SNX2: variants seen among roughly 807,000 people sequenced by gnomAD.
SNX2 encodes sorting nexin 2, also known as sorting nexin-2.
In SNX2, 25 loss-of-function variants were observed where a neutral mutation model predicts 69.9. The observed-to-expected ratio is 0.36, with a 90% confidence interval of 0.26 to 0.50. The LOEUF (loss-of-function observed/expected upper bound fraction) is 0.50. Ranked by LOEUF, SNX2 falls within the 20% of genes least tolerant of loss-of-function variation. SNX2 has a pLI of 0.97. For synonymous variants in SNX2, 229 were observed against 200.4 expected, an observed-to-expected ratio of 1.14 and a Z score of -1.20; for missense variants, 551 against 613.3, an observed-to-expected ratio of 0.90 and a Z score of 1.07.
chr5:122,786,801 C>A (rs1477683329), intron 1 of SNX2, among the ~76,000 whole-genome samples: 1 of 151,900 alleles, frequency 6.6e-6, no homozygotes, highest in East Asian at 1.9e-4. Context: ...TTTTTGTATT[C>A]TATCCAGAAC....
intron 6 of SNX2, 143 bp from the exon 7 acceptor site, chr5:122,808,134 T>A (rs149870443): frequency 0.015 from 7,984 of 516,424 alleles, 79 homozygotes; most frequent in Non-Finnish European, 0.019. Context: ...CAAAACGTTT[T>A]TGCTTTTTAG....
chr5:122,827,813 T>A, intron 14 of SNX2, 167 bp downstream of exon 14: 1 of 549,002 alleles, frequency 1.8e-6, no homozygotes, highest in Non-Finnish European at 3.2e-6. Flanking sequence ...TCGGAAACTA[T>A]CTCACGTGTT....
At chr5:122,806,271 G>C (rs1753656376) in intron 6 of SNX2, among the ~76,000 whole-genome samples, 1 of 151,870 alleles carries the variant, frequency 6.6e-6, no homozygotes, top group Admixed American at 6.6e-5. Flanking sequence ...GTAATATGAA[G>C]CCAAGCAAAA....
At chr5:122,816,005 T>G (rs906956314) in intron 8 of SNX2, 34 bp downstream of exon 8, 11 of 1,199,950 alleles carry the variant, frequency 9.2e-6, no homozygotes, top group African/African-American at 1.5e-5. Flanking sequence ...TGTATATGAA[T>G]GTTCTCGTTA....
At chr5:122,816,032 A>G (rs1318233937) in intron 8 of SNX2, 61 bp downstream of exon 8, 3 of 785,572 alleles carry the variant, frequency 3.8e-6, no homozygotes, top group Admixed American at 2.6e-5. Context: ...ATTGTAATGT[A>G]TATGACTATA....
At chr5:122,782,224 T>A (rs986770510) in intron 1 of SNX2, among the ~76,000 whole-genome samples, 6 of 152,124 alleles carry the variant, frequency 3.9e-5, no homozygotes, top group Non-Finnish European at 8.8e-5. Context: ...TCCTTTTACA[T>A]CTTTTGCTTA....
At chr5:122,783,484 A>G (rs1753019447) in intron 1 of SNX2, among the ~76,000 whole-genome samples, 1 of 152,258 alleles carries the variant, frequency 6.6e-6, no homozygotes, top group African/African-American at 2.4e-5. Context: ...TTTGTGTGAG[A>G]TATGGGTTGA....
rs75389696 is a variant in SNX2, at chr5:122,779,034, A to G, written c.108+3823A>G. 6.3e-3 allele frequency among the ~76,000 whole-genome samples: 964 copies of G among 152,302 alleles called. 8 individuals are homozygous for G. Among genetic ancestry groups the G allele is most frequent in the East Asian group, 0.059 (306 of 5,182 alleles). ...ACTGTTTTATTCCTTAAATGGTGCA[A>G]CCCTAAGCTTAATGGTGCTTGACCT... On this transcript the variant is annotated intron_variant, in intron 1 of 14. Transcript: ENST00000379516.
chr5:122,810,466 C>G (rs1411748004), intron 7 of SNX2, among the ~76,000 whole-genome samples: 3 of 150,778 alleles, frequency 2.0e-5, no homozygotes, highest in Non-Finnish European at 4.4e-5. Context: ...CTTAGTCTTT[C>G]CTGAAAATGT....
At chr5:122,805,777 T>G (rs922026231) in intron 6 of SNX2, among the ~76,000 whole-genome samples, 3 of 152,094 alleles carry the variant, frequency 2.0e-5, no homozygotes, top group Admixed American at 6.6e-5. Flanking sequence ...TTAAATTGTT[T>G]AAAACTTTTT....
intron 2 of SNX2, among the ~76,000 whole-genome samples, chr5:122,798,258 C>A (rs972395472): frequency 2.6e-5 from 4 of 151,950 alleles, no homozygotes; most frequent in Non-Finnish European, 5.9e-5. Context: ...TGCATATAAG[C>A]TTTTATTTTG....
At chr5:122,829,510 A>C in intron 14 of SNX2, 88 bp from the exon 15 acceptor site, 1 of 1,056,522 alleles carries the variant, frequency 9.5e-7, no homozygotes, top group Non-Finnish European at 1.4e-6. Context: ...CGGCTTATGT[A>C]GATTTTTTTT....
At chr5:122,792,933 C>T (rs1753277588) in intron 1 of SNX2, among the ~76,000 whole-genome samples, 1 of 152,132 alleles carries the variant, frequency 6.6e-6, no homozygotes, top group Non-Finnish European at 1.5e-5. Flanking sequence ...GATACATACT[C>T]TACATGCTAG....
intron 1 of SNX2, among the ~76,000 whole-genome samples, chr5:122,780,758 C>A (rs918925791): frequency 6.6e-6 from 1 of 151,714 alleles, no homozygotes. Flanking sequence ...TTAGTGGAGA[C>A]GAGGTTTCAC....
intron 3 of SNX2, among the ~76,000 whole-genome samples, 168 bp from the exon 4 acceptor site, chr5:122,801,701 A>G: frequency 8.9e-6 from 1 of 112,864 alleles, no homozygotes; most frequent in Non-Finnish European, 1.8e-5. Flanking sequence ...TTTATTTATA[A>G]AGTCAGGAAA....
chr5:122,777,925 AATTT>A (rs1305043557), intron 1 of SNX2, among the ~76,000 whole-genome samples: 1 of 152,216 alleles, frequency 6.6e-6, no homozygotes, highest in Non-Finnish European at 1.5e-5. Flanking sequence ...AGAACACTAG[AATTT>A]ATTCCTCCTA....
At position 122,819,036 on chromosome 5, in the gene SNX2, T is replaced by A. The variant is rs772708444; in HGVS notation, c.1212+13T>A. On this transcript the variant is annotated intron_variant, in intron 11 of 14. Coordinates refer to ENST00000379516, the MANE Select transcript of SNX2 (RefSeq NM_003100.4). ...TGCTGCAGTGAAAGTAAGCCCTTTCTTGCATGCTTCTCACTTGTGTCGTGT... is the reference window on the plus strand; with the variant it reads ...TGCTGCAGTGAAAGTAAGCCCTTTCATGCATGCTTCTCACTTGTGTCGTGT... The A allele has an allele frequency of 2.5e-6, 4 of 1,595,998 alleles. No individual in the cohort carries two copies. Among genetic ancestry groups the A allele is most frequent in the Non-Finnish European group, 3.4e-6 (4 of 1,164,024 alleles).
chr5:122,827,273 A>G (rs1436227397), intron 12 of SNX2, 106 bp from the exon 13 acceptor site: 18 of 882,550 alleles, frequency 2.0e-5, no homozygotes, highest in Non-Finnish European at 3.0e-5. Flanking sequence ...GCCAATATTG[A>G]GCTTTCTCAG....
intron 11 of SNX2, among the ~76,000 whole-genome samples, chr5:122,823,717 GGTGTGT>G (rs10559761): frequency 6.7e-6 from 1 of 149,822 alleles, no homozygotes; most frequent in African/African-American, 2.5e-5. Flanking sequence ...TGTGTATGTG[GGTGTGT>G]GTGTGTGTGT....
Sources: allele counts gnomAD v4.1 joint callset (sites outside exome capture counted in the v4.1 genomes callset), GRCh38; gene constraint gnomAD v4.1.1; transcripts MANE v1.5; gene names NCBI Gene and HGNC (gene_info 2026-07-23, HGNC 2026-07-21).